KDM1A: variants seen among roughly 807,000 people sequenced by gnomAD.
KDM1A encodes lysine demethylase 1A.
In KDM1A, 49 loss-of-function variants were observed where a neutral mutation model predicts 109.4. That is an observed-to-expected ratio of 0.45 (90% confidence interval 0.36 to 0.57). The LOEUF (loss-of-function observed/expected upper bound fraction) is 0.57, where lower values mean the gene tolerates loss of function less well. KDM1A is among the 20% of genes least tolerant of loss of function. KDM1A has a pLI of 0.00. For synonymous variants in KDM1A, 380 were observed against 415.4 expected (o/e 0.91, Z 1.04); for missense variants, 668 against 1,116.6 (o/e 0.60, Z 5.73).
Position 23,057,468 on chromosome 1 carries a change from T to C in KDM1A, c.991-16T>C. On this transcript the variant is annotated splice_polypyrimidine_tract_variant and intron_variant, in intron 7 of 20. Coordinates refer to ENST00000400181, the MANE Select transcript of KDM1A (RefSeq NM_001009999.3). ...AAACAGAATTGATGATTTTGGCTAC[T>C]TAATTTCTGAAACAGGATCGTGTGG... The C allele has an allele frequency of 1.2e-6, 2 of 1,610,600 alleles. No individual in the cohort carries two copies. The highest frequency in any genetic ancestry group is 1.3e-5 in the African/African-American group (1 of 74,958).
intron 1 of KDM1A, among the ~76,000 whole-genome samples, chr1:23,026,396 T>TTGG (rs35806585): frequency 1.0e-5 from 1 of 97,682 alleles, no homozygotes; most frequent in African/African-American, 2.7e-5. Context: ...GTCTGTTTGT[T>TTGG]TTTTTTTTTT....
intron 3 of KDM1A, among the ~76,000 whole-genome samples, chr1:23,045,432 G>A (rs1450064984): frequency 6.6e-6 from 1 of 152,224 alleles, no homozygotes; most frequent in Non-Finnish European, 1.5e-5. Flanking sequence ...GATCCAGAAT[G>A]TTAGGAGCAG....
chr1:23,019,618 G>T lies in KDM1A; in HGVS notation c.22G>T (p.Ala8Ser). 7.0e-7 allele frequency: 1 copy of T among 1,422,012 alleles called. No homozygotes were observed. Among genetic ancestry groups the T allele is most frequent in the South Asian group, 1.5e-5 (1 of 65,512 alleles). The allele number at this position is 1,422,012 out of a possible 1,614,324, so 88.1% of individuals were successfully genotyped here. MLSGKKAAAAAAAAAAAA... is the reference protein window; with the variant it reads MLSGKKASAAAAAAAAAA... ...CGAGATGTTATCTGGGAAGAAGGCGGCAGCCGCGGCGGCGGCGGCTGCAGC... is the reference window on the plus strand; with the variant it reads ...CGAGATGTTATCTGGGAAGAAGGCGTCAGCCGCGGCGGCGGCGGCTGCAGC... The change falls in exon 1 of 21, where the codon GCA (alanine) becomes TCA (serine). Residue 8 changes from alanine to serine, a missense_variant. Physicochemically the swap from Ala to Ser is moderately conservative, Grantham distance 99 (BLOSUM62 1). Around this residue, in one of 8 missense-constraint regions of KDM1A, gnomAD observed 156 missense variants for 163.4 expected, o/e 0.95. Transcript: ENST00000400181.
intron 2 of KDM1A, among the ~76,000 whole-genome samples, chr1:23,043,478 G>A (rs1369601244): frequency 2.6e-5 from 4 of 152,070 alleles, no homozygotes; most frequent in Non-Finnish European, 5.9e-5. Flanking sequence ...ATTGGGGTAC[G>A]TATTTTAAAA....
intron 1 of KDM1A, among the ~76,000 whole-genome samples, chr1:23,021,125 C>G (rs2124323849): frequency 6.6e-6 from 1 of 152,230 alleles, no homozygotes; most frequent in East Asian, 1.9e-4. Context: ...GAGTATTACC[C>G]AGTCTGAGAG....
At chr1:23,080,045 T>G (rs1643573102) in intron 18 of KDM1A, among the ~76,000 whole-genome samples, 1 of 152,244 alleles carries the variant, frequency 6.6e-6, no homozygotes, top group Non-Finnish European at 1.5e-5. Context: ...TACTATGTGT[T>G]TATGAAATTC....
chr1:23,050,488 CAGA>C lies in KDM1A; in HGVS notation c.682_684del (p.Lys228del). 1 of 1,610,302 alleles carries C rather than the reference CAGA, an allele frequency of 6.2e-7. No individual in the cohort carries two copies. The highest frequency in any genetic ancestry group is 8.5e-7 in the Non-Finnish European group (1 of 1,178,296). On this transcript the variant is annotated inframe_deletion, in exon 4 of 21. Coordinates refer to ENST00000400181, the MANE Select transcript of KDM1A (RefSeq NM_001009999.3). ...TATTATCAGTGGACCACAACAGACC[CAGA>C]AGGTTTTTCTTTTCATTAGAAACCG...
chr1:23,049,838 A>T (rs1289347289), intron 3 of KDM1A, among the ~76,000 whole-genome samples: 1 of 152,186 alleles, frequency 6.6e-6, no homozygotes, highest in Non-Finnish European at 1.5e-5. Context: ...AATTCCTTGC[A>T]TTCTTCTGTC....
rs1179588740 is a variant in KDM1A at position 23,079,123 on chromosome 1, C to T, written c.2001C>T (p.Leu667=). 6.2e-7 allele frequency: 1 copy of T among 1,614,198 alleles called. No homozygotes were observed. Among genetic ancestry groups the T allele is most frequent in the Non-Finnish European group, 8.5e-7 (1 of 1,180,028 alleles). Residue 667 remains leucine (L), a synonymous_variant, in exon 17 of 21, where the codon CTC becomes CTT. Transcript: ENST00000400181. This position sits in a 1 kb window ranked among gnomAD's most constrained non-coding sequence, Gnocchi z 5.6. ...CAGCCGTTCAGTTTGTGCCACCTCT[C>T]CCTGAGTGGAAAACATCTGCAGTCC... ...QPPAVQFVPP[L]PEWKTSAVQR...
chr1:23,082,583 G>GTA, intron 20 of KDM1A: 1 of 429,712 alleles, frequency 2.3e-6, no homozygotes, highest in Non-Finnish European at 4.1e-6. Flanking sequence ...GGAGTCCAGA[G>GTA]TATAAGTCAA....
intron 1 of KDM1A, among the ~76,000 whole-genome samples, chr1:23,025,893 A>G (rs1167007476): frequency 6.6e-6 from 1 of 152,074 alleles, no homozygotes; most frequent in Non-Finnish European, 1.5e-5. Flanking sequence ...GGAGTTTGAT[A>G]TCAGCCTTGG....
chr1:23,061,137 C>A (rs559591955), intron 9 of KDM1A, among the ~76,000 whole-genome samples: 2 of 152,292 alleles, frequency 1.3e-5, no homozygotes, highest in African/African-American at 4.8e-5. Context: ...TGTTTCTGTA[C>A]CACTGTTGTC....
intron 12 of KDM1A, among the ~76,000 whole-genome samples, chr1:23,070,725 G>A (rs1376926107): frequency 1.3e-5 from 2 of 149,548 alleles, no homozygotes; most frequent in Non-Finnish European, 3.0e-5. Flanking sequence ...GGAGAATGGC[G>A]TGAACCCAGG....
intron 4 of KDM1A, among the ~76,000 whole-genome samples, 180 bp downstream of exon 4, chr1:23,050,700 A>G (rs1642643548): frequency 6.6e-6 from 1 of 152,256 alleles, no homozygotes; most frequent in Non-Finnish European, 1.5e-5. Context: ...AAATGTATAT[A>G]TAATTTTTGT....
At chr1:23,053,212 A>G (rs1406180291) in intron 4 of KDM1A, among the ~76,000 whole-genome samples, 1 of 152,072 alleles carries the variant, frequency 6.6e-6, no homozygotes, top group Admixed American at 6.6e-5. Context: ...TGGATTTGGC[A>G]AGTTACTAGG....
intron 3 of KDM1A, 54 bp from the exon 4 acceptor site, chr1:23,050,333 C>G: frequency 6.5e-7 from 1 of 1,535,712 alleles, no homozygotes; most frequent in South Asian, 1.3e-5. Flanking sequence ...GTCATCACTA[C>G]CCGTTTTGTA....
chr1:23,048,572 T>C (rs536789797), intron 3 of KDM1A, among the ~76,000 whole-genome samples: 22 of 152,270 alleles, frequency 1.4e-4, no homozygotes, highest in African/African-American at 5.1e-4. Flanking sequence ...AGATGGATAG[T>C]TTTTTCTCCT....
intron 15 of KDM1A, 119 bp from the exon 16 acceptor site, chr1:23,077,109 T>C: frequency 1.1e-6 from 1 of 906,300 alleles, no homozygotes; most frequent in Non-Finnish European, 1.6e-6. Flanking sequence ...TTCTTTAGTT[T>C]GCCTTAAAAT....
intron 8 of KDM1A, among the ~76,000 whole-genome samples, chr1:23,058,139 A>C (rs1642890860): frequency 6.6e-6 from 1 of 151,648 alleles, no homozygotes; most frequent in Admixed American, 6.6e-5. Flanking sequence ...GGATCCTCTC[A>C]CCTCAGCCTC....
Sources: allele counts gnomAD v4.1 joint callset (sites outside exome capture counted in the v4.1 genomes callset), GRCh38; gene constraint gnomAD v4.1.1; regional missense constraint gnomAD v4.1.1; non-coding constraint Gnocchi (gnomAD v3.1); transcripts MANE v1.5; gene names NCBI Gene and HGNC (gene_info 2026-07-23, HGNC 2026-07-21).